Variants in ZNF705A observed in about 807,000 individuals in gnomAD.
ZNF705A encodes the protein zinc finger protein 705A.
A neutral mutation model predicts 16.6 loss-of-function variants in ZNF705A; 8 were observed. The ratio of observed to expected loss-of-function variants is 0.48; its 90% CI spans 0.28 to 0.87. The LOEUF (loss-of-function observed/expected upper bound fraction) is 0.87. Among genes scored for constraint, ZNF705A ranks in the 40% least tolerant of loss-of-function variants. The probability of loss-of-function intolerance (pLI) is 0.10; values close to 1 mark genes in which losing one functional copy is unlikely to be tolerated. For missense variants in ZNF705A, 233 were observed against 359.9 expected, an observed-to-expected ratio of 0.65 and a Z score of 2.85; for synonymous variants, 73 against 117.3, an observed-to-expected ratio of 0.62 and a Z score of 2.44.
intron 1 of ZNF705A, among the ~76,000 whole-genome samples, chr12:8,164,040 T>C (rs971876580): frequency 6.6e-6 from 1 of 152,138 alleles, no homozygotes; most frequent in Non-Finnish European, 1.5e-5. Flanking sequence ...AACATATCCT[T>C]CACCTCCCTG....
chr12:8,175,142 C>T, intron 2 of ZNF705A, 86 bp from the exon 4 acceptor site: 3 of 724,834 alleles, frequency 4.1e-6, no homozygotes, highest in Non-Finnish European at 2.3e-6. Context: ...TGTTTTTATT[C>T]TTCCTTGATA....
upstream of ZNF705A, chr12:8,168,938 A>G (rs187567532): frequency 1.4e-4 from 22 of 152,280 alleles, no homozygotes; most frequent in African/African-American, 5.1e-4. Flanking sequence ...TAATTTTTCT[A>G]TGGATACTGT....
chr12:8,163,679 T>G (rs1428798642), intron 1 of ZNF705A, among the ~76,000 whole-genome samples: 3 of 152,240 alleles, frequency 2.0e-5, no homozygotes, highest in Non-Finnish European at 4.4e-5. Flanking sequence ...CACTTAAATC[T>G]ATAGTTCTAC....
intron 2 of ZNF705A, 142 bp downstream of exon 3, chr12:8,174,594 T>C: frequency 8.6e-6 from 13 of 1,509,842 alleles, no homozygotes; most frequent in Non-Finnish European, 1.2e-5. Context: ...GTTTGAACTT[T>C]CTAAATCTAT....
chr12:8,167,937 G>A (rs145545359), upstream of ZNF705A, among the ~76,000 whole-genome samples: 1 of 152,096 alleles, frequency 6.6e-6, no homozygotes, highest in African/African-American at 2.4e-5. Context: ...AAGAGAAGAG[G>A]CTTTAACCTT....
upstream of ZNF705A, among the ~76,000 whole-genome samples, chr12:8,169,881 C>T (rs766427929): frequency 2.0e-4 from 31 of 152,170 alleles, no homozygotes; most frequent in East Asian, 3.5e-3. Context: ...AGAATGGCTC[C>T]TTCCTCATGA....
upstream of ZNF705A, among the ~76,000 whole-genome samples, chr12:8,169,571 A>G (rs1345742348): frequency 6.6e-6 from 1 of 152,246 alleles, no homozygotes; most frequent in Non-Finnish European, 1.5e-5. Flanking sequence ...ATGTCATTCA[A>G]CATTGTATAG....
At chr12:8,176,082 A>T in intron 4 of ZNF705A, 140 bp downstream of exon 5, 1 of 1,307,794 alleles carries the variant, frequency 7.6e-7, no homozygotes, top group Non-Finnish European at 1.1e-6. Flanking sequence ...GAATACTTTG[A>T]ATTTAGTGAA....
chr12:8,165,931 T>C (rs1364604552), intron 1 of ZNF705A, among the ~76,000 whole-genome samples: 1 of 152,234 alleles, frequency 6.6e-6, no homozygotes, highest in Admixed American at 6.5e-5. Flanking sequence ...GGCATCTAGG[T>C]TGATTCCATG....
intron 1 of ZNF705A, among the ~76,000 whole-genome samples, chr12:8,165,440 G>T (rs1273526575): frequency 7.9e-6 from 1 of 126,950 alleles, no homozygotes; most frequent in Non-Finnish European, 1.6e-5. Flanking sequence ...CTGCCACCAC[G>T]CCCAGCTAAA....
chr12:8,165,278 ATTTTTTTTTT>A (rs36022408), intron 1 of ZNF705A, among the ~76,000 whole-genome samples: 1 of 94,508 alleles, frequency 1.1e-5, no homozygotes, highest in South Asian at 3.8e-4. Flanking sequence ...ATCTTTGCCC[ATTTTTTTTTT>A]TTTTTTTTTT....
intron 1 of ZNF705A, among the ~76,000 whole-genome samples, chr12:8,160,040 G>A (rs1948341323): frequency 6.6e-6 from 1 of 152,058 alleles, no homozygotes; most frequent in African/African-American, 2.4e-5. Context: ...TCTCCTACAT[G>A]TGGCTAGCCA....
At chr12:8,158,958 T>C (rs1334439350) in intron 1 of ZNF705A, among the ~76,000 whole-genome samples, 3 of 152,048 alleles carry the variant, frequency 2.0e-5, no homozygotes, top group Non-Finnish European at 4.4e-5. Flanking sequence ...CCTTTTATCC[T>C]TTGTCCCCCC....
chr12:8,167,583 T>C (rs1465347658), upstream of ZNF705A, among the ~76,000 whole-genome samples: 1 of 152,202 alleles, frequency 6.6e-6, no homozygotes, highest in Non-Finnish European at 1.5e-5. Flanking sequence ...CTTGTGGGAC[T>C]TGCCTTGGAA....
rs777361497 is a variant in ZNF705A, at chr12:8,177,444, G to A, written c.764G>A (p.Cys255Tyr). 8 of 1,612,000 alleles carry A rather than the reference G, an allele frequency of 5.0e-6. No homozygotes were observed. The African/African-American group carries it at 1.1e-4, about 22-fold the overall frequency. Reference sequence around the variant, plus strand: ...GAGAGAACTCACCTTGGAAAAAAGTGTTATGAATGTGATAAAAGTGGGAAA... The same window carrying A: ...GAGAGAACTCACCTTGGAAAAAAGTATTATGAATGTGATAAAAGTGGGAAA... Residue 255 changes from cysteine (C) to tyrosine (Y), a missense_variant, in exon 5 of 5, where the codon TGT becomes TAT. By Grantham distance (194) the Cys-to-Tyr change is radical. This residue lies in a region of ZNF705A where 220 missense variants were observed against 271.4 expected (regional missense o/e 0.81). Coordinates refer to ENST00000359286, the Ensembl canonical transcript of ZNF705A.
At chr12:8,172,017 A>G (rs10840921), upstream of ZNF705A, among the ~76,000 whole-genome samples, 84,344 of 151,952 alleles carry the variant, frequency 0.56, 23,662 homozygotes, top group African/African-American at 0.6. Flanking sequence ...GATTACAGGC[A>G]TGAGCCGCCA....
exon 5 of ZNF705A, chr12:8,177,177 A>G (rs1373259096): frequency 1.9e-6 from 3 of 1,612,026 alleles, no homozygotes; most frequent in Non-Finnish European, 2.5e-6. Context: ...AAACAAATTC[A>G]TACTAAAGGT....
In ZNF705A at chr12:8,177,821, T is replaced by G; in HGVS notation, c.*238T>G. On this transcript the variant is annotated 3_prime_UTR_variant, in exon 5 of 5. Coordinates refer to ENST00000359286, the Ensembl canonical transcript of ZNF705A. ...CTAAACATGCCAAAGGACTCATATT[T>G]TGAAGAAATACTGGAATCAACATGG... The G allele has an allele frequency of 3.0e-6, 2 of 673,100 alleles. 1 individual carries two copies. The highest frequency in any genetic ancestry group is 4.1e-5 in the South Asian group (2 of 49,318). 41.7% of individuals were successfully genotyped at this position (673,100 alleles called of 1,614,324 possible).
chr12:8,158,264 G>A lies in ZNF705A; in HGVS notation c.-72+1172G>A, dbSNP rs373112466. 2.8e-4 allele frequency among the ~76,000 whole-genome samples: 43 copies of A among 151,816 alleles called. No individual in the cohort carries two copies. In the South Asian group the frequency reaches 8.2e-3, roughly 29 times the overall value. Reference sequence around the variant, plus strand: ...ATCAAATTGAACATTTTTATTACCCGCAAAGTTCTCTAAACCCCTTCTTAG... The same window carrying A: ...ATCAAATTGAACATTTTTATTACCCACAAAGTTCTCTAAACCCCTTCTTAG... On this transcript the variant is annotated intron_variant, in intron 1 of 5. Transcript: ENST00000396570.
Sources: gnomAD v4.1 joint callset for allele counts (sites outside exome capture counted in the v4.1 genomes callset) on GRCh38, gnomAD v4.1.1 for gene constraint, gnomAD v4.1.1 regional missense constraint, MANE v1.5 for transcripts, NCBI Gene and HGNC (gene_info 2026-07-23, HGNC 2026-07-21) for gene names.